Variants in LUZP1 observed in about 807,000 individuals in gnomAD.
LUZP1 encodes filamin mechanobinding actin cross-linking protein.
In LUZP1, 25 loss-of-function variants were observed where a neutral mutation model predicts 71.3. That is an observed-to-expected ratio of 0.35 (90% CI 0.26 to 0.49). The LOEUF is 0.49. Ranked by LOEUF, LUZP1 falls within the 20% of genes least tolerant of loss-of-function variation. The pLI, the probability that LUZP1 is intolerant of heterozygous loss-of-function variation, is 0.99. For missense variants in LUZP1, 1,142 were observed against 1,300.8 expected, an observed-to-expected ratio of 0.88 and a Z score of 1.88; for synonymous variants, 481 against 506.4, an observed-to-expected ratio of 0.95 and a Z score of 0.67.
chr1:23,168,013 C>T (rs908011746), intron 2 of LUZP1, among the ~76,000 whole-genome samples: 1 of 151,470 alleles, frequency 6.6e-6, no homozygotes, highest in Admixed American at 6.6e-5. Context: ...ATTAATTAGT[C>T]CTAAGGACTG....
chr1:23,104,777 AG>A (rs1264828060), intron 3 of LUZP1, among the ~76,000 whole-genome samples: 1 of 152,172 alleles, frequency 6.6e-6, no homozygotes, highest in Non-Finnish European at 1.5e-5. Flanking sequence ...ATTTACATAA[AG>A]GGGACTATTT....
At chr1:23,111,752 G>C (rs889959419) in intron 2 of LUZP1, among the ~76,000 whole-genome samples, 1 of 151,588 alleles carries the variant, frequency 6.6e-6, no homozygotes, top group African/African-American at 2.4e-5. Flanking sequence ...ATCACCACCT[G>C]TCTCTTTCCC....
intron 2 of LUZP1, among the ~76,000 whole-genome samples, chr1:23,145,050 C>T (rs1384770444): frequency 6.6e-6 from 1 of 151,936 alleles, no homozygotes; most frequent in Non-Finnish European, 1.5e-5. Context: ...CACATGTCAC[C>T]ACGCCCAGCT....
At chr1:23,167,755 G>A (rs1218398285) in intron 2 of LUZP1, among the ~76,000 whole-genome samples, 1 of 152,192 alleles carries the variant, frequency 6.6e-6, no homozygotes, top group Non-Finnish European at 1.5e-5. Context: ...ACCGGGCTCC[G>A]AAGCCCCAGC....
intron 2 of LUZP1, among the ~76,000 whole-genome samples, chr1:23,129,916 A>G (rs1250328357): frequency 6.6e-6 from 1 of 152,248 alleles, no homozygotes; most frequent in Non-Finnish European, 1.5e-5. Context: ...TATTATAAAT[A>G]TTATAAATAA....
chr1:23,101,038 T>G (rs1643927832), intron 3 of LUZP1, among the ~76,000 whole-genome samples: 1 of 151,880 alleles, frequency 6.6e-6, no homozygotes, highest in Admixed American at 6.6e-5. Flanking sequence ...AAATGAGGAG[T>G]TCTAAGCACT....
chr1:23,121,660 C>T (rs1349795895), intron 2 of LUZP1, among the ~76,000 whole-genome samples: 1 of 152,152 alleles, frequency 6.6e-6, no homozygotes, highest in Non-Finnish European at 1.5e-5. Flanking sequence ...GTCAAGGCTG[C>T]AGTGAGCCGA....
intron 2 of LUZP1, among the ~76,000 whole-genome samples, chr1:23,116,844 G>A (rs1219628748): frequency 6.6e-6 from 1 of 152,100 alleles, no homozygotes; most frequent in Non-Finnish European, 1.5e-5. Flanking sequence ...GACTTCCCTT[G>A]TACTGACTGT....
intron 2 of LUZP1, among the ~76,000 whole-genome samples, chr1:23,163,024 G>A (rs1297910320): frequency 1.3e-5 from 2 of 151,854 alleles, no homozygotes; most frequent in African/African-American, 2.4e-5. Context: ...GGCGGATCAC[G>A]AGGTCAGCAG....
At chr1:23,166,883 CT>C (rs1644514097) in intron 2 of LUZP1, among the ~76,000 whole-genome samples, 1 of 152,116 alleles carries the variant, frequency 6.6e-6, no homozygotes, top group Admixed American at 6.6e-5. Context: ...AACAATGAAC[CT>C]GTGTTTGCTG....
At position 23,094,297 on chromosome 1, in the gene LUZP1, C is replaced by A; in HGVS notation, c.-36G>T. The A allele has an allele frequency of 6.5e-7, 1 of 1,540,282 alleles. No individual in the cohort carries two copies. Among genetic ancestry groups the A allele is most frequent in the Non-Finnish European group, 8.7e-7 (1 of 1,148,238 alleles). On this transcript the variant is annotated 5_prime_UTR_variant, in exon 4 of 5. Transcript: ENST00000302291. The surrounding 1 kb of genome is among the most constrained non-coding windows in gnomAD (Gnocchi z 4.7). ...AGCCAATGTGGGCTCCTAGAGGCAT[C>A]CAATTCCACTCAAGGGGATGAGAAA...
chr1:23,106,433 TTTC>T (rs1393763478), intron 3 of LUZP1, among the ~76,000 whole-genome samples: 24 of 152,018 alleles, frequency 1.6e-4, no homozygotes, highest in Admixed American at 1.1e-3. Flanking sequence ...GGTGAAACCC[TTTC>T]TCTACAAAAA....
chr1:23,122,146 A>G (rs1644135189), intron 2 of LUZP1, among the ~76,000 whole-genome samples: 1 of 152,188 alleles, frequency 6.6e-6, no homozygotes, highest in Admixed American at 6.5e-5. Flanking sequence ...AACACCTACA[A>G]TGGTGCCAGG....
At chr1:23,113,534 C>G (rs1036389560) in intron 2 of LUZP1, among the ~76,000 whole-genome samples, 1 of 152,096 alleles carries the variant, frequency 6.6e-6, no homozygotes, top group African/African-American at 2.4e-5. Context: ...TGCTGAAATT[C>G]TCAGACAAAG....
chr1:23,110,178 C>G (rs754576461), intron 2 of LUZP1, among the ~76,000 whole-genome samples: 13 of 152,244 alleles, frequency 8.5e-5, no homozygotes, highest in Non-Finnish European at 1.8e-4. Flanking sequence ...TTTTGTTGCC[C>G]TCTAGACTCG....
chr1:23,101,478 A>G (rs1475553096), intron 3 of LUZP1, among the ~76,000 whole-genome samples: 1 of 152,186 alleles, frequency 6.6e-6, no homozygotes, highest in Non-Finnish European at 1.5e-5. Flanking sequence ...TGGCCAAGTC[A>G]CTGATTTTCT....
chr1:23,124,408 A>C (rs1644154457), intron 2 of LUZP1, among the ~76,000 whole-genome samples: 1 of 152,180 alleles, frequency 6.6e-6, no homozygotes, highest in African/African-American at 2.4e-5. Context: ...TAAGGGAGTC[A>C]AGTGGCTAAG....
exon 5 of LUZP1, chr1:23,087,364 C>A (rs1272197966): frequency 6.6e-6 from 1 of 152,160 alleles, no homozygotes; most frequent in Non-Finnish European, 1.5e-5. Context: ...TCATCCCATA[C>A]TATTATAGAT....
intron 1 of LUZP1, among the ~76,000 whole-genome samples, chr1:23,174,243 G>C (rs1319348346): frequency 6.6e-6 from 1 of 152,122 alleles, no homozygotes; most frequent in Non-Finnish European, 1.5e-5. Context: ...CAATGTCCAA[G>C]GGCAGGAGAA....
Sources: gnomAD v4.1 joint callset for allele counts (sites outside exome capture counted in the v4.1 genomes callset) on GRCh38, gnomAD v4.1.1 for gene constraint, Gnocchi (gnomAD v3.1) non-coding constraint, MANE v1.5 for transcripts, NCBI Gene and HGNC (gene_info 2026-07-23, HGNC 2026-07-21) for gene names.